GRIA2: variants seen among roughly 807,000 people sequenced by gnomAD.
The protein encoded by GRIA2 is glutamate receptor 2.
A neutral mutation model predicts 97.3 loss-of-function variants in GRIA2; 14 were observed. That is an observed-to-expected ratio of 0.14 (90% CI 0.10 to 0.23). GRIA2 has a LOEUF of 0.23. Among genes scored for constraint, GRIA2 ranks in the 10% least tolerant of loss-of-function variants. The pLI, the probability that GRIA2 is intolerant of heterozygous loss-of-function variation, is 1.00. For synonymous variants in GRIA2, 412 were observed against 387.8 expected, an observed-to-expected ratio of 1.06 and a Z score of -0.73; for missense variants, 558 against 1,069.8, an observed-to-expected ratio of 0.52 and a Z score of 6.67.
intron 2 of GRIA2, among the ~76,000 whole-genome samples, chr4:157,289,767 A>G (rs1302765734): frequency 6.6e-6 from 1 of 151,886 alleles, no homozygotes; most frequent in African/African-American, 2.4e-5. Context: ...CAAACACTCT[A>G]CAAGTTTATA....
At chr4:157,330,370 A>C (rs536517413) in intron 6 of GRIA2, among the ~76,000 whole-genome samples, 1 of 152,074 alleles carries the variant, frequency 6.6e-6, no homozygotes, top group South Asian at 2.1e-4. Context: ...AATAGTACTT[A>C]AATTTTAGTA....
intron 2 of GRIA2, among the ~76,000 whole-genome samples, chr4:157,300,286 A>G (rs1733558425): frequency 1.3e-5 from 2 of 152,330 alleles, no homozygotes; most frequent in South Asian, 4.1e-4. Context: ...TGCCTATGCT[A>G]AATTGGGGCA....
At chr4:157,344,823 A>G (rs1735702887) in intron 12 of GRIA2, among the ~76,000 whole-genome samples, 2 of 152,122 alleles carry the variant, frequency 1.3e-5, no homozygotes, top group Admixed American at 6.6e-5. Context: ...GTCATTGTCT[A>G]CATTTCAAAT....
chr4:157,228,866 A>G (rs1031555152), intron 2 of GRIA2, among the ~76,000 whole-genome samples: 2 of 147,420 alleles, frequency 1.4e-5, no homozygotes, highest in Non-Finnish European at 3.0e-5. Flanking sequence ...ACCCAAAAGC[A>G]AGAACCTTGT....
rs527537027 is a variant in GRIA2, at chr4:157,236,948, C to T, written c.229+15141C>T. Among the ~76,000 whole-genome samples the T allele has an allele frequency of 2.6e-5, 4 of 152,126 alleles. No homozygotes were observed. The East Asian group carries it at 7.7e-4, about 29-fold the overall frequency. ...CTTTGTGTCTTTTTAACCTGTTTAT[C>T]GCTTTTTGGAATGACAATTTCAGTT... On this transcript the variant is annotated intron_variant, in intron 2 of 15. Coordinates refer to ENST00000264426, the MANE Select transcript of GRIA2 (RefSeq NM_001083619.3).
At chr4:157,249,686 C>T (rs1730938006) in intron 2 of GRIA2, 1 of 152,122 alleles carries the variant, frequency 6.6e-6, no homozygotes. Context: ...TTAAGAATGG[C>T]ATTATGCTTA....
chr4:157,324,763 C>A (rs1311800387), intron 6 of GRIA2, among the ~76,000 whole-genome samples: 1 of 152,052 alleles, frequency 6.6e-6, no homozygotes, highest in African/African-American at 2.4e-5. Flanking sequence ...GTAACAAGAG[C>A]ATGCTTTCAT....
chr4:157,274,637 G>C (rs1322191288), intron 2 of GRIA2, among the ~76,000 whole-genome samples: 1 of 151,012 alleles, frequency 6.6e-6, no homozygotes, highest in East Asian at 2.0e-4. Context: ...TTGTCCTTGC[G>C]ATAGTTTGCT....
chr4:157,322,729 T>C (rs181733095), intron 6 of GRIA2, among the ~76,000 whole-genome samples: 26 of 152,244 alleles, frequency 1.7e-4, no homozygotes, highest in Admixed American at 1.6e-3. Flanking sequence ...AAAAATTGTA[T>C]AGTAATTTTG....
chr4:157,278,004 G>T (rs1346650783), intron 2 of GRIA2, among the ~76,000 whole-genome samples: 2 of 150,782 alleles, frequency 1.3e-5, no homozygotes, highest in African/African-American at 4.9e-5. Context: ...CCATATTCAT[G>T]GATAGAAAGA....
At position 157,361,129 on chromosome 4, in the gene GRIA2, G is replaced by GTT. The variant is rs1736613411; in HGVS notation, c.2406+5_2406+6insTT. 1 of 1,590,242 alleles carries GTT rather than the reference G, an allele frequency of 6.3e-7. No individual in the cohort carries two copies. Among genetic ancestry groups the GTT allele is most frequent in the African/African-American group, 1.3e-5 (1 of 74,472 alleles). The stretch of plus-strand genomic sequence containing the variant: ...AGCGGGGGAGGTGATTCCAAGGTCA[G>GTT]CCCCAGTGAGAAAAGTAATGGGTAA... On this transcript the variant is annotated splice_donor_region_variant and intron_variant, in intron 14 of 15. Transcript: ENST00000264426. This position sits in a 1 kb window ranked among gnomAD's most constrained non-coding sequence, Gnocchi z 5.2.
intron 3 of GRIA2, among the ~76,000 whole-genome samples, chr4:157,304,963 A>G (rs1369152732): frequency 6.6e-6 from 1 of 152,152 alleles, no homozygotes; most frequent in East Asian, 1.9e-4. Context: ...AAGCTGAAAA[A>G]AAATTTGCTG....
At chr4:157,269,247 T>A (rs1381890282) in intron 2 of GRIA2, among the ~76,000 whole-genome samples, 4 of 151,954 alleles carry the variant, frequency 2.6e-5, no homozygotes, top group Non-Finnish European at 4.4e-5. Context: ...AGGTCAAAAT[T>A]AGGTGTCCTT....
chr4:157,320,220 A>G (rs1198030881), intron 5 of GRIA2, among the ~76,000 whole-genome samples: 7 of 152,100 alleles, frequency 4.6e-5, no homozygotes, highest in Non-Finnish European at 8.8e-5. Context: ...CTAGTACACT[A>G]TTTGGCTTTG....
At chr4:157,328,344 T>C (rs1156985643) in intron 6 of GRIA2, among the ~76,000 whole-genome samples, 1 of 152,002 alleles carries the variant, frequency 6.6e-6, no homozygotes, top group Non-Finnish European at 1.5e-5. Context: ...CATTTCAAAT[T>C]TTTGCCAAAT....
In GRIA2 at chr4:157,241,473, C is replaced by T. The variant is rs890081112; in HGVS notation, c.229+19666C>T. Among the ~76,000 whole-genome samples the T allele has an allele frequency of 4.6e-5, 7 of 152,174 alleles. No homozygotes were observed. The South Asian group carries it at 6.2e-4, about 14-fold the overall frequency. On this transcript the variant is annotated intron_variant, in intron 2 of 15. Transcript: ENST00000264426. ...CCTGAAAAATTCTCAGGGATGAATACGTAGAGGACTTGCCTCTCTCCATTT... is the reference window on the plus strand; with the variant it reads ...CCTGAAAAATTCTCAGGGATGAATATGTAGAGGACTTGCCTCTCTCCATTT...
intron 2 of GRIA2, among the ~76,000 whole-genome samples, chr4:157,256,819 A>G (rs1322802249): frequency 1.3e-5 from 2 of 152,086 alleles, no homozygotes; most frequent in South Asian, 2.1e-4. Flanking sequence ...AGGACTTGGT[A>G]TCTAGAAGGA....
intron 2 of GRIA2, among the ~76,000 whole-genome samples, chr4:157,287,703 ATT>A (rs889529987): frequency 6.8e-6 from 1 of 146,662 alleles, no homozygotes; most frequent in African/African-American, 2.5e-5. Context: ...CGAGTAAGAG[ATT>A]TTTTTTTTTA....
intron 11 of GRIA2, among the ~76,000 whole-genome samples, chr4:157,339,040 A>T (rs1166992029): frequency 6.6e-6 from 1 of 151,946 alleles, no homozygotes; most frequent in East Asian, 1.9e-4. Flanking sequence ...TTAAGTTGTA[A>T]TCTAGAGTTA....
Sources: gnomAD v4.1 joint callset for allele counts (sites outside exome capture counted in the v4.1 genomes callset) on GRCh38, gnomAD v4.1.1 for gene constraint, Gnocchi (gnomAD v3.1) non-coding constraint, MANE v1.5 for transcripts, NCBI Gene and HGNC (gene_info 2026-07-23, HGNC 2026-07-21) for gene names.